Variants in FAM135A observed in about 807,000 individuals in gnomAD.
The protein encoded by FAM135A is family with sequence similarity 135 member A.
A neutral mutation model predicts 146.8 loss-of-function variants in FAM135A; 79 were observed. The observed-to-expected ratio is 0.54, with a 90% CI of 0.45 to 0.65. The LOEUF is 0.65. Among genes scored for constraint, FAM135A ranks in the 30% least tolerant of loss-of-function variants. The pLI, the probability that FAM135A is intolerant of heterozygous loss-of-function variation, is 0.00. For synonymous variants in FAM135A, 562 were observed against 603.6 expected (o/e 0.93, Z 1.01); for missense variants, 1,623 against 1,758.2 (o/e 0.92, Z 1.38).
At chr6:70,448,188 A>G (rs752412781) in intron 4 of FAM135A, among the ~76,000 whole-genome samples, 5 of 152,158 alleles carry the variant, frequency 3.3e-5, no homozygotes, top group Non-Finnish European at 5.9e-5. Flanking sequence ...TGGAAAGGAA[A>G]GATCTGGAGG....
intron 5 of FAM135A, among the ~76,000 whole-genome samples, chr6:70,459,857 G>A (rs1171692574): frequency 6.6e-6 from 1 of 152,180 alleles, no homozygotes; most frequent in South Asian, 2.1e-4. Flanking sequence ...GTGAAACCCC[G>A]TCTCTACGAC....
chr6:70,540,552 C>T (rs192791652), intron 20 of FAM135A, among the ~76,000 whole-genome samples: 9 of 152,138 alleles, frequency 5.9e-5, no homozygotes, highest in African/African-American at 2.2e-4. Context: ...GTCTCGATCT[C>T]CTGACCTTGT....
chr6:70,523,839 C>A, intron 13 of FAM135A, 128 bp from the exon 14 acceptor site: 1 of 836,236 alleles, frequency 1.2e-6, no homozygotes. Context: ...GCAGCTCTCT[C>A]ATAAGAAGGT....
chr6:70,419,130 T>A (rs985010492), intron 2 of FAM135A, among the ~76,000 whole-genome samples: 1 of 152,184 alleles, frequency 6.6e-6, no homozygotes, highest in African/African-American at 2.4e-5. Context: ...CTAAGAGTAT[T>A]CCTGTTTTGG....
chr6:70,441,787 C>G (rs555838698), intron 4 of FAM135A, among the ~76,000 whole-genome samples: 6 of 151,258 alleles, frequency 4.0e-5, no homozygotes, highest in Admixed American at 6.6e-5. Flanking sequence ...TGGGTTCAAG[C>G]GATTCTCCTG....
intron 2 of FAM135A, among the ~76,000 whole-genome samples, chr6:70,419,057 T>A (rs1768180854): frequency 1.3e-5 from 2 of 152,224 alleles, no homozygotes; most frequent in African/African-American, 4.8e-5. Flanking sequence ...CTGGGTCGGC[T>A]ACAGAACATG....
chr6:70,462,156 T>C (rs1242260010), intron 5 of FAM135A, among the ~76,000 whole-genome samples: 1 of 152,188 alleles, frequency 6.6e-6, no homozygotes, highest in Non-Finnish European at 1.5e-5. Flanking sequence ...TTGAATGATA[T>C]GGTTTAACTT....
chr6:70,477,432 C>A (rs1330155771), intron 8 of FAM135A, 100 bp downstream of exon 8: 5 of 1,246,960 alleles, frequency 4.0e-6, no homozygotes, highest in East Asian at 5.1e-5. Flanking sequence ...TTAATTGGGT[C>A]ATGGTTCTTC....
chr6:70,455,200 G>A (rs1342045544), intron 5 of FAM135A, among the ~76,000 whole-genome samples: 8 of 152,220 alleles, frequency 5.3e-5, no homozygotes, highest in Middle Eastern at 3.4e-3. Context: ...AATTGTGAAT[G>A]GGAGTTCACT....
chr6:70,515,521 G>T (rs1258279737), intron 12 of FAM135A, among the ~76,000 whole-genome samples: 1 of 152,100 alleles, frequency 6.6e-6, no homozygotes, highest in Non-Finnish European at 1.5e-5. Context: ...CTACATATAT[G>T]TATGATTTCA....
intron 18 of FAM135A, among the ~76,000 whole-genome samples, chr6:70,534,819 T>C (rs866410067): frequency 6.6e-6 from 1 of 152,188 alleles, no homozygotes; most frequent in Non-Finnish European, 1.5e-5. Context: ...TACTGTAAGC[T>C]TTTGGGCAGT....
chr6:70,555,668 A>G (rs1483689819), intron 20 of FAM135A, among the ~76,000 whole-genome samples: 1 of 152,198 alleles, frequency 6.6e-6, no homozygotes, highest in Non-Finnish European at 1.5e-5. Flanking sequence ...TGATTCCCAA[A>G]GTAGTACTGA....
chr6:70,431,948 CATA>C (rs1281713801), intron 4 of FAM135A, among the ~76,000 whole-genome samples: 2 of 151,856 alleles, frequency 1.3e-5, no homozygotes, highest in East Asian at 3.9e-4. Context: ...GTAATATAAA[CATA>C]ATATCAACAT....
chr6:70,443,247 G>A (rs577946037), intron 4 of FAM135A, among the ~76,000 whole-genome samples: 6 of 152,276 alleles, frequency 3.9e-5, no homozygotes, highest in East Asian at 1.9e-4. Context: ...GTGACAGACC[G>A]CAAATATGAC....
chr6:70,470,453 T>C (rs1781392550), intron 5 of FAM135A, among the ~76,000 whole-genome samples: 1 of 152,068 alleles, frequency 6.6e-6, no homozygotes, highest in Admixed American at 6.5e-5. Flanking sequence ...GCCTCCCAGG[T>C]TCAAGCAGTT....
At chr6:70,486,067 G>T in intron 10 of FAM135A, 1 of 853,782 alleles carries the variant, frequency 1.2e-6, no homozygotes, top group Admixed American at 2.5e-5. Flanking sequence ...TGCACTATCA[G>T]ATCAACACTA....
intron 4 of FAM135A, among the ~76,000 whole-genome samples, chr6:70,438,283 T>C (rs1773675339): frequency 6.6e-6 from 1 of 152,228 alleles, no homozygotes; most frequent in African/African-American, 2.4e-5. Flanking sequence ...TGCCTACAAA[T>C]TTAAAATACT....
intron 4 of FAM135A, among the ~76,000 whole-genome samples, chr6:70,430,047 G>C (rs1771167838): frequency 6.6e-6 from 1 of 152,074 alleles, no homozygotes; most frequent in African/African-American, 2.4e-5. Flanking sequence ...CTGAGATAGA[G>C]AGCAGAAGGC....
At chr6:70,461,168 A>T (rs1207302104) in intron 5 of FAM135A, among the ~76,000 whole-genome samples, 1 of 152,150 alleles carries the variant, frequency 6.6e-6, no homozygotes, top group Non-Finnish European at 1.5e-5. Context: ...GTTAATTCAG[A>T]GATGCTGCTC....
Sources: gnomAD v4.1 joint callset for allele counts (sites outside exome capture counted in the v4.1 genomes callset) on GRCh38, gnomAD v4.1.1 for gene constraint, MANE v1.5 for transcripts, NCBI Gene and HGNC (gene_info 2026-07-23, HGNC 2026-07-21) for gene names.